The following GSK3B variants were observed in gnomAD, a reference collection of about 807,000 sequenced individuals.
The protein encoded by GSK3B is glycogen synthase kinase 3 beta.
GSK3B carries 15 observed loss-of-function variants against 56.4 expected under a neutral mutation model. The ratio of observed to expected loss-of-function variants is 0.27; its 90% confidence interval spans 0.18 to 0.41. The LOEUF (loss-of-function observed/expected upper bound fraction) is 0.41, where lower values mean the gene tolerates loss of function less well. Among genes scored for constraint, GSK3B ranks in the 10% least tolerant of loss-of-function variants. The pLI is 1.00. For missense variants in GSK3B, 300 were observed against 513.4 expected, an observed-to-expected ratio of 0.58 and a Z score of 4.02; for synonymous variants, 181 against 188.9, an observed-to-expected ratio of 0.96 and a Z score of 0.34.
chr3:120,041,410 C>T (rs1258849424), intron 1 of GSK3B: 1 of 267,120 alleles, frequency 3.7e-6, no homozygotes, highest in Non-Finnish European at 8.0e-6. Flanking sequence ...TACAAGAATA[C>T]AAAGAAGCCC....
intron 1 of GSK3B, among the ~76,000 whole-genome samples, chr3:120,075,417 A>G (rs978441548): frequency 6.6e-6 from 1 of 150,888 alleles, no homozygotes; most frequent in African/African-American, 2.5e-5. Context: ...AAGAAAAAGG[A>G]AAAAAAAAGT....
rs1278241628 is a variant in GSK3B at position 119,826,866 on chromosome 3, A to G, written c.1196-11T>C. The G allele has an allele frequency of 1.3e-6, 2 of 1,579,064 alleles. No homozygotes were observed. Among genetic ancestry groups the G allele is most frequent in the Admixed American group, 1.7e-5 (1 of 59,796 alleles). On this transcript the variant is annotated splice_polypyrimidine_tract_variant and intron_variant, in intron 10 of 10. Coordinates refer to ENST00000264235, the MANE Select transcript of GSK3B (RefSeq NM_001146156.2). Reference sequence around the variant, plus strand: ...CTCCAGTATTAGCATCTGCAAGTCAAAAAGTCCCAAGAGAGAGCATGAGCA... The same window carrying G: ...CTCCAGTATTAGCATCTGCAAGTCAGAAAGTCCCAAGAGAGAGCATGAGCA...
intron 1 of GSK3B, among the ~76,000 whole-genome samples, chr3:120,008,022 C>T (rs1188573530): frequency 2.6e-5 from 4 of 152,158 alleles, no homozygotes; most frequent in African/African-American, 7.2e-5. Context: ...AGCTGATAAG[C>T]AACTTCAGCA....
At chr3:119,968,169 A>T (rs1477141429) in intron 2 of GSK3B, among the ~76,000 whole-genome samples, 1 of 151,662 alleles carries the variant, frequency 6.6e-6, no homozygotes, top group East Asian at 1.9e-4. Flanking sequence ...TTTATTTTTT[A>T]ATGTTTCATA....
At position 119,826,336 on chromosome 3, in the gene GSK3B, A is replaced by G. The variant is rs2107992015; in HGVS notation, c.*452T>C. On this transcript the variant is annotated 3_prime_UTR_variant, in exon 11 of 11. Transcript: ENST00000264235. ...GTTATACCTGCTAAGCTCCCAACCA[A>G]TTTCAAGCTGTGCACTATACCAAAG... The G allele has an allele frequency of 3.0e-6, 1 of 331,554 alleles. No individual in the cohort carries two copies. The highest frequency in any genetic ancestry group is 4.6e-5 in the Admixed American group (1 of 21,654). 20.5% of individuals were successfully genotyped at this position (331,554 alleles called of 1,614,324 possible).
intron 6 of GSK3B, 64 bp downstream of exon 6, chr3:119,912,640 A>T: frequency 1.4e-6 from 1 of 704,420 alleles, no homozygotes; most frequent in Non-Finnish European, 2.5e-6. Context: ...GATTAGTAGT[A>T]CTAAATTACC....
chr3:120,093,750 T>C lies in GSK3B; in HGVS notation c.-316A>G, dbSNP rs1430401249. ...AGAGGGCAAATCCTAAAAAAATATG[T>C]ATCACGTGAAACGGGGGCAAATACT... On this transcript the variant is annotated 5_prime_UTR_variant, in exon 1 of 11. It adds an upstream start codon to the 5' untranslated region. Transcript: ENST00000264235. 3.4e-6 allele frequency: 1 copy of C among 295,572 alleles called. No homozygotes were observed. Among genetic ancestry groups the C allele is most frequent in the Non-Finnish European group, 6.3e-6 (1 of 158,626 alleles). The allele number at this position is 295,572 out of a possible 1,614,324, so 18.3% of individuals were successfully genotyped here. A position where few individuals can be genotyped will look rare whatever the true frequency, so the allele number is the denominator to read the frequency against.
chr3:120,056,981 A>G (rs1223554858), intron 1 of GSK3B, among the ~76,000 whole-genome samples: 2 of 151,882 alleles, frequency 1.3e-5, no homozygotes, highest in African/African-American at 4.8e-5. Context: ...TGTCTCTACT[A>G]AAAAAATACA....
intron 7 of GSK3B, among the ~76,000 whole-genome samples, chr3:119,903,266 C>A (rs1436396180): frequency 2.0e-5 from 3 of 152,110 alleles, no homozygotes; most frequent in African/African-American, 7.2e-5. Context: ...ACCAGATATC[C>A]CAAAATGCCC....
Position 119,922,216 on chromosome 3 carries a change from A to AGGAAGGAGGGAGGGAG in GSK3B, c.477+1156_477+1157insCTCCCTCCCTCCTTCC, listed in dbSNP as rs1559837838. On this transcript the variant is annotated intron_variant, in intron 4 of 10. Coordinates refer to ENST00000264235, the MANE Select transcript of GSK3B (RefSeq NM_001146156.2). ...AGGTAGGTAGGGAAGGAGGGAAGGA[A>AGGAAGGAGGGAGGGAG]GGAAGGAAGGAGGGAAGGAAGGAAG... 3.3e-3 allele frequency among the ~76,000 whole-genome samples: 340 copies of AGGAAGGAGGGAGGGAG among 101,822 alleles called. 6 individuals carry two copies. Among genetic ancestry groups the AGGAAGGAGGGAGGGAG allele is most frequent in the African/African-American group, 0.013 (308 of 23,206 alleles). 66.8% of individuals were successfully genotyped at this position (101,822 alleles called of 152,430 possible). A position where few individuals can be genotyped will look rare whatever the true frequency, so the allele number is the denominator to read the frequency against.
At chr3:119,846,702 T>G (rs1181801410) in intron 9 of GSK3B, among the ~76,000 whole-genome samples, 1 of 152,192 alleles carries the variant, frequency 6.6e-6, no homozygotes. Context: ...GAGTGTAAAT[T>G]AGTTCAATTG....
chr3:120,077,879 T>C (rs950223157), intron 1 of GSK3B, among the ~76,000 whole-genome samples: 1 of 152,158 alleles, frequency 6.6e-6, no homozygotes, highest in African/African-American at 2.4e-5. Context: ...GATCAACATC[T>C]GGAACCTATT....
chr3:120,068,570 C>T (rs1293899628), intron 1 of GSK3B, among the ~76,000 whole-genome samples: 1 of 150,214 alleles, frequency 6.7e-6, no homozygotes, highest in Non-Finnish European at 1.5e-5. Flanking sequence ...TATGTTGGCG[C>T]ACACCTGTAA....
At chr3:120,058,281 AAATAT>A (rs202142875) in intron 1 of GSK3B, among the ~76,000 whole-genome samples, 3 of 152,166 alleles carry the variant, frequency 2.0e-5, no homozygotes, top group South Asian at 4.1e-4. Context: ...TACTATGTAA[AAATAT>A]AATATAAATC....
chr3:119,926,974 A>G (rs2056894553), intron 3 of GSK3B, among the ~76,000 whole-genome samples: 1 of 152,058 alleles, frequency 6.6e-6, no homozygotes, highest in Non-Finnish European at 1.5e-5. Flanking sequence ...GTATAACCAC[A>G]TAGTTTATTT....
rs1318840362 is a variant in GSK3B at position 119,974,469 on chromosome 3, T to G, written c.283-27118A>C. ...CCCCAGGACTCTGAGATTAATACCC[T>G]TATAAAAGATGCCCCCACGGAAGGA... is the stretch of plus-strand genomic sequence containing the variant. On this transcript the variant is annotated intron_variant, in intron 2 of 10. Transcript: ENST00000264235. Among the ~76,000 whole-genome samples, 5 of 152,258 alleles carry G rather than the reference T, an allele frequency of 3.3e-5. No individual in the cohort carries two copies. In the South Asian group the frequency reaches 1.0e-3, roughly 32 times the overall value.
At position 119,923,415 on chromosome 3, in the gene GSK3B, G is replaced by T. The variant is rs2107465957; in HGVS notation, c.435C>A (p.His145Gln). 1 of 1,603,300 alleles carries T rather than the reference G, an allele frequency of 6.2e-7. No homozygotes were observed. Among genetic ancestry groups the T allele is most frequent in the East Asian group, 2.2e-5 (1 of 44,682 alleles). Reference protein sequence around the residue: ...VPETVYRVARHYSRAKQTLPV... With the variant: ...VPETVYRVARQYSRAKQTLPV... ...GGAGCGTCTGTTTGGCTCGACTATAGTGTCTGGCAACTCTGTATACTGTTT... is the reference window on the plus strand; with the variant it reads ...GGAGCGTCTGTTTGGCTCGACTATATTGTCTGGCAACTCTGTATACTGTTT... The change falls in exon 4 of 11, where the codon CAC becomes CAA. Residue 145 changes from histidine (H) to glutamine (Q), a missense_variant. Physicochemically the swap from His to Gln is conservative, Grantham distance 24. This residue lies in a region of GSK3B where 62 missense variants were observed against 84.0 expected (regional missense o/e 0.74). Transcript: ENST00000264235.
chr3:119,916,866 G>A (rs1477153166), intron 4 of GSK3B, among the ~76,000 whole-genome samples: 1 of 152,128 alleles, frequency 6.6e-6, no homozygotes, highest in Non-Finnish European at 1.5e-5. Flanking sequence ...TCTTTCAAAA[G>A]AGAAGACTTT....
At position 119,821,506 on chromosome 3, in the gene GSK3B, T is replaced by C. The variant is rs2055408044; in HGVS notation, c.*5282A>G. On this transcript the variant is annotated 3_prime_UTR_variant, in exon 11 of 11. Coordinates refer to ENST00000264235, the MANE Select transcript of GSK3B (RefSeq NM_001146156.2). ...CAGACTCAAACACAACATGTGTTGG[T>C]TACCTGGGAGGTACAGCCCCACTGT... is the stretch of plus-strand genomic sequence containing the variant. 2 of 152,352 alleles carry C rather than the reference T, an allele frequency of 1.3e-5. No individual in the cohort carries two copies. Among genetic ancestry groups the C allele is most frequent in the Non-Finnish European group, 1.5e-5 (1 of 68,040 alleles). The allele number at this position is 152,352 out of a possible 1,614,324, so 9.4% of individuals were successfully genotyped here. A position where few individuals can be genotyped will look rare whatever the true frequency, so the allele number is the denominator to read the frequency against.
Sources: gnomAD v4.1 joint callset for allele counts (sites outside exome capture counted in the v4.1 genomes callset) on GRCh38, gnomAD v4.1.1 for gene constraint, gnomAD v4.1.1 regional missense constraint, MANE v1.5 for transcripts, NCBI Gene and HGNC (gene_info 2026-07-23, HGNC 2026-07-21) for gene names.